The following EFCAB6 variants were observed in gnomAD, a reference collection of about 807,000 sequenced individuals.
The protein encoded by EFCAB6 is EF-hand calcium-binding domain-containing protein 6.
In EFCAB6, 156 loss-of-function variants were observed where a neutral mutation model predicts 169.8. That is an observed-to-expected ratio of 0.92 (90% CI 0.81 to 1.05). The LOEUF is 1.05. EFCAB6 is among the 50% of genes least tolerant of loss of function. The probability of loss-of-function intolerance (pLI) is 0.00; values close to 1 mark genes in which losing one functional copy is unlikely to be tolerated. For synonymous variants in EFCAB6, 698 were observed against 676.4 expected, an observed-to-expected ratio of 1.03 and a Z score of -0.50; for missense variants, 1,800 against 1,829.1, an observed-to-expected ratio of 0.98 and a Z score of 0.29.
At chr22:43,544,686 C>T (rs2047940224) in intron 27 of EFCAB6, among the ~76,000 whole-genome samples, 1 of 152,062 alleles carries the variant, frequency 6.6e-6, no homozygotes. Flanking sequence ...CCAGCCCTTC[C>T]AGAGCTTCTG....
chr22:43,547,818 G>A (rs546739513), intron 27 of EFCAB6, among the ~76,000 whole-genome samples: 47 of 151,996 alleles, frequency 3.1e-4, no homozygotes, highest in South Asian at 8.3e-4. Flanking sequence ...AAGGCTGGGC[G>A]TGGTGGCTCA....
Position 43,608,539 on chromosome 22 carries a change from G to GCGTT in EFCAB6, c.2620_2623dup (p.Ala875GlufsTer7). 2 of 1,614,194 alleles carry GCGTT rather than the reference G, an allele frequency of 1.2e-6. No individual in the cohort carries two copies. Among genetic ancestry groups the GCGTT allele is most frequent in the Non-Finnish European group, 1.7e-6 (2 of 1,180,030 alleles). ...GAGGGGAATATCAAAACCGTACAGT[G>GCGTT]CGTTCTTTATGTCCCGGCGTCGAAG... On this transcript the variant is annotated frameshift_variant, in exon 22 of 32. Coordinates refer to ENST00000262726, the MANE Select transcript of EFCAB6 (RefSeq NM_022785.4). LOFTEE classifies it high-confidence loss of function.
intron 10 of EFCAB6, among the ~76,000 whole-genome samples, chr22:43,708,319 T>C (rs1370139493): frequency 6.6e-6 from 1 of 151,908 alleles, no homozygotes; most frequent in East Asian, 1.9e-4. Flanking sequence ...GGCAGGAGAA[T>C]CGCTTGAACA....
intron 10 of EFCAB6, among the ~76,000 whole-genome samples, chr22:43,691,760 A>T (rs1260392069): frequency 6.6e-6 from 1 of 152,200 alleles, no homozygotes; most frequent in Non-Finnish European, 1.5e-5. Context: ...TTCTTCCAAT[A>T]ATGGTAAAAT....
At chr22:43,754,368 GT>G (rs1310911062) in intron 6 of EFCAB6, among the ~76,000 whole-genome samples, 1 of 152,174 alleles carries the variant, frequency 6.6e-6, no homozygotes, top group Non-Finnish European at 1.5e-5. Context: ...GTCTGCCCGG[GT>G]CCCGGGGTCA....
intron 27 of EFCAB6, among the ~76,000 whole-genome samples, chr22:43,549,416 C>T (rs985617024): frequency 1.4e-4 from 21 of 152,122 alleles, no homozygotes; most frequent in Middle Eastern, 3.4e-3. Flanking sequence ...AATAATTTTA[C>T]GCTAATAAAT....
At chr22:43,709,057 C>G (rs371756550) in intron 10 of EFCAB6, among the ~76,000 whole-genome samples, 1 of 152,150 alleles carries the variant, frequency 6.6e-6, no homozygotes, top group East Asian at 1.9e-4. Flanking sequence ...TCTGGCAAGT[C>G]TTTCTAGCTT....
chr22:43,753,432 G>A lies in EFCAB6; in HGVS notation c.507+2334C>T, dbSNP rs1205031974. 3.9e-5 allele frequency among the ~76,000 whole-genome samples: 6 copies of A among 152,270 alleles called. No individual in the cohort carries two copies. In the East Asian group the frequency reaches 7.7e-4, roughly 20 times the overall value. Reference sequence around the variant, plus strand: ...ACCAGGTGGATCCCGAAGAGGACACGCTGAGAACCACCCTGGGCTTACAGA... The same window carrying A: ...ACCAGGTGGATCCCGAAGAGGACACACTGAGAACCACCCTGGGCTTACAGA... On this transcript the variant is annotated intron_variant, in intron 6 of 31. Transcript: ENST00000262726.
intron 26 of EFCAB6, among the ~76,000 whole-genome samples, chr22:43,567,025 C>T (rs1484606691): frequency 6.6e-6 from 1 of 152,090 alleles, no homozygotes; most frequent in South Asian, 2.1e-4. Flanking sequence ...TGGGCTGGCT[C>T]CTCAACTCAA....
intron 19 of EFCAB6, among the ~76,000 whole-genome samples, chr22:43,630,745 G>A (rs1194478802): frequency 1.3e-5 from 2 of 152,164 alleles, no homozygotes; most frequent in African/African-American, 4.8e-5. Context: ...TCCTTTGGAG[G>A]ACCAGGCACT....
chr22:43,605,343 C>T (rs1487923150), intron 22 of EFCAB6, among the ~76,000 whole-genome samples: 1 of 152,140 alleles, frequency 6.6e-6, no homozygotes, highest in Non-Finnish European at 1.5e-5. Flanking sequence ...CTGAAACCAC[C>T]TTTGTAAAAC....
chr22:43,681,042 T>C (rs779004075), intron 12 of EFCAB6, among the ~76,000 whole-genome samples: 4 of 152,224 alleles, frequency 2.6e-5, no homozygotes, highest in Non-Finnish European at 5.9e-5. Context: ...CTGTCCCTGA[T>C]CTTAGGAGGA....
At chr22:43,529,464 C>G (rs1218927941) in intron 31 of EFCAB6, among the ~76,000 whole-genome samples, 1 of 152,236 alleles carries the variant, frequency 6.6e-6, no homozygotes, top group African/African-American at 2.4e-5. Context: ...CCTTCCTCTT[C>G]AGTTATAGAA....
chr22:43,732,539 C>T (rs2059993835), intron 7 of EFCAB6, among the ~76,000 whole-genome samples: 1 of 146,222 alleles, frequency 6.8e-6, no homozygotes, highest in Admixed American at 7.0e-5. Context: ...GCAATCTCAG[C>T]TCACTGCAAC....
At chr22:43,637,142 T>A (rs1435657914) in intron 17 of EFCAB6, among the ~76,000 whole-genome samples, 2 of 152,166 alleles carry the variant, frequency 1.3e-5, no homozygotes, top group Non-Finnish European at 2.9e-5. Flanking sequence ...GGAGCTGCCC[T>A]GAGCCCACCT....
At chr22:43,718,063 C>CCCATCCACCCATCCAT (rs1556284891) in intron 8 of EFCAB6, among the ~76,000 whole-genome samples, 6 of 131,914 alleles carry the variant, frequency 4.5e-5, no homozygotes, top group Admixed American at 4.4e-4. Context: ...CATCCATCCA[C>CCCATCCACCCATCCAT]CCATCCATCC....
chr22:43,744,204 G>A lies in EFCAB6; in HGVS notation c.508-8211C>T, dbSNP rs2060481036. Among the ~76,000 whole-genome samples the A allele has an allele frequency of 6.6e-6, 1 of 151,794 alleles. No homozygotes were observed. Among genetic ancestry groups the A allele is most frequent in the Admixed American group, 6.6e-5 (1 of 15,260 alleles). On this transcript the variant is annotated intron_variant, in intron 6 of 31. Transcript: ENST00000262726. The surrounding 1 kb of genome is among the most constrained non-coding windows in gnomAD (Gnocchi z 4.3). ...TGAATGGATGGATGATGAATGAATG[G>A]ATGGAAGGGCTATGGACAGATGGAT...
In EFCAB6 at chr22:43,765,316, A is replaced by G. The variant is rs2061292872; in HGVS notation, c.429T>C (p.Asn143=). 5.0e-6 allele frequency: 8 copies of G among 1,611,676 alleles called. No homozygotes were observed. Among genetic ancestry groups the G allele is most frequent in the Non-Finnish European group, 6.8e-6 (8 of 1,178,254 alleles). ...AACCAAACACTTACCTCTTTATACC[A>G]TTTATATATAGGTCAATTCCACCAA... ...SRFGGIDLYI[N]GIKRGGGNEM... The change falls in exon 5 of 32, where the codon AAT becomes AAC. Residue 143 remains asparagine, a synonymous_variant. Transcript: ENST00000262726.
intron 21 of EFCAB6, among the ~76,000 whole-genome samples, chr22:43,613,970 T>C (rs959739393): frequency 3.9e-5 from 6 of 151,918 alleles, no homozygotes; most frequent in African/African-American, 1.5e-4. Context: ...ATGCAAGAGC[T>C]ATATAATGAA....
Sources: allele counts gnomAD v4.1 joint callset (sites outside exome capture counted in the v4.1 genomes callset), GRCh38; gene constraint gnomAD v4.1.1; non-coding constraint Gnocchi (gnomAD v3.1); transcripts MANE v1.5; gene names NCBI Gene and HGNC (gene_info 2026-07-23, HGNC 2026-07-21).